Variants in NEBL observed in about 807,000 individuals in gnomAD.
NEBL encodes the protein LIM and SH3 protein 2.
NEBL carries 122 observed loss-of-function variants against 140.2 expected under a neutral mutation model. The ratio of observed to expected loss-of-function variants is 0.87; its 90% CI spans 0.75 to 1.01. The LOEUF is 1.01. Among genes scored for constraint, NEBL ranks in the 50% least tolerant of loss-of-function variants. The probability of loss-of-function intolerance (pLI) is 0.00; values close to 1 mark genes in which losing one functional copy is unlikely to be tolerated. For synonymous variants in NEBL, 436 were observed against 398.9 expected (o/e 1.09, Z -1.11); for missense variants, 1,365 against 1,231.3 (o/e 1.11, Z -1.62).
At chr10:20,794,496 T>A (rs935653624) in intron 26 of NEBL, among the ~76,000 whole-genome samples, 5 of 152,228 alleles carry the variant, frequency 3.3e-5, no homozygotes, top group Non-Finnish European at 7.3e-5. Flanking sequence ...AGATTGCAAA[T>A]CTATTTATTT....
chr10:20,978,723 C>A (rs990392337), intron 3 of NEBL, among the ~76,000 whole-genome samples: 91 of 151,516 alleles, frequency 6.0e-4, no homozygotes, highest in Non-Finnish European at 2.9e-4. Context: ...CCACTGCACT[C>A]CAGCCTGGAA....
At chr10:21,287,957 T>C (rs964620166) in intron 1 of NEBL, among the ~76,000 whole-genome samples, 1 of 152,204 alleles carries the variant, frequency 6.6e-6, no homozygotes, top group African/African-American at 2.4e-5. Flanking sequence ...TTCATATCCA[T>C]ATACTATGTG....
At chr10:20,947,429 T>C (rs2131585238) in intron 4 of NEBL, among the ~76,000 whole-genome samples, 2 of 152,284 alleles carry the variant, frequency 1.3e-5, no homozygotes, top group South Asian at 4.1e-4. Flanking sequence ...TCCCCTCTTC[T>C]TGTGCCTTCT....
intron 3 of NEBL, among the ~76,000 whole-genome samples, chr10:21,227,724 TTCTTCTTCTTC>T (rs1842183483): frequency 8.5e-4 from 75 of 88,212 alleles, no homozygotes; most frequent in African/African-American, 3.3e-3. Flanking sequence ...CTTCTTCTTC[TTCTTCTTCTTC>T]TTCTTCTTCT....
intron 21 of NEBL, 107 bp downstream of exon 21, chr10:20,817,493 C>T (rs1031097217): frequency 2.1e-6 from 2 of 958,554 alleles, no homozygotes; most frequent in African/African-American, 3.2e-5. Flanking sequence ...CAAATGAGAA[C>T]AGGACATCAG....
At chr10:21,258,953 T>C (rs1453567391) in intron 1 of NEBL, among the ~76,000 whole-genome samples, 1 of 152,084 alleles carries the variant, frequency 6.6e-6, no homozygotes, top group East Asian at 1.9e-4. Context: ...ATCCTCACAA[T>C]AATCCTATGA....
intron 3 of NEBL, among the ~76,000 whole-genome samples, chr10:20,978,111 G>T (rs891902368): frequency 6.6e-6 from 1 of 152,126 alleles, no homozygotes; most frequent in Admixed American, 6.5e-5. Context: ...TAAGGAAATA[G>T]ATATGAAAAA....
chr10:21,027,404 C>T (rs187614210), intron 2 of NEBL, among the ~76,000 whole-genome samples: 30 of 151,782 alleles, frequency 2.0e-4, no homozygotes, highest in African/African-American at 6.3e-4. Context: ...CACACATCAC[C>T]GCAGCCTCGA....
At chr10:20,920,460 G>A (rs1247192661) in intron 4 of NEBL, among the ~76,000 whole-genome samples, 1 of 152,204 alleles carries the variant, frequency 6.6e-6, no homozygotes. Flanking sequence ...CTGTCAAAAT[G>A]TATAAGGCAG....
intron 7 of NEBL, among the ~76,000 whole-genome samples, chr10:20,866,267 G>A: frequency 6.6e-6 from 1 of 152,052 alleles, no homozygotes; most frequent in Non-Finnish European, 1.5e-5. Flanking sequence ...CACTTTTACA[G>A]GATGAAAAGA....
intron 3 of NEBL, among the ~76,000 whole-genome samples, chr10:21,180,099 T>TGG (rs1199234824): frequency 6.6e-6 from 1 of 151,576 alleles, no homozygotes; most frequent in African/African-American, 2.4e-5. Flanking sequence ...ATTGTGCCAC[T>TGG]GTACTTCAGA....
At chr10:20,942,652 G>A (rs772928599) in intron 4 of NEBL, among the ~76,000 whole-genome samples, 171 of 152,108 alleles carry the variant, frequency 1.1e-3, no homozygotes, top group Non-Finnish European at 1.9e-3. Context: ...GTGAACAGGT[G>A]ACCTACAGAA....
At chr10:20,831,052 G>C in intron 16 of NEBL, 144 bp downstream of exon 16, 1 of 685,296 alleles carries the variant, frequency 1.5e-6, no homozygotes, top group South Asian at 1.6e-5. Flanking sequence ...GGTTAATCAA[G>C]TTTGGCCAAT....
chr10:20,946,402 T>C (rs1444001322), intron 4 of NEBL, among the ~76,000 whole-genome samples: 1 of 152,206 alleles, frequency 6.6e-6, no homozygotes, highest in East Asian at 1.9e-4. Flanking sequence ...GTTTTTCAAA[T>C]ATTCCATTTC....
chr10:21,179,505 TC>T (rs1564537988), upstream of NEBL, among the ~76,000 whole-genome samples: 1 of 150,220 alleles, frequency 6.7e-6, no homozygotes, highest in African/African-American at 2.5e-5. Flanking sequence ...CGCTCCATCA[TC>T]CCCTTAAGAA....
Position 21,214,142 on chromosome 10 carries a change from T to C in NEBL, n.348+33779A>G, listed in dbSNP as rs1052080844. Among the ~76,000 whole-genome samples, 6 of 151,400 alleles carry C rather than the reference T, an allele frequency of 4.0e-5. No individual in the cohort carries two copies. In the South Asian group the frequency reaches 1.2e-3, roughly 31 times the overall value. On this transcript the variant is annotated intron_variant and non_coding_transcript_variant, in intron 3 of 8. Coordinates refer to the NEBL transcript ENST00000675702. ...TACTCATGAATTTCATGTATATATA[T>C]GTATATAATATATATGTATAAGTAT...
At chr10:21,113,723 TTA>T (rs1240176854) in intron 2 of NEBL, among the ~76,000 whole-genome samples, 2 of 152,106 alleles carry the variant, frequency 1.3e-5, no homozygotes, top group Non-Finnish European at 2.9e-5. Flanking sequence ...GTATGGAATG[TTA>T]ACATTCCATA....
chr10:21,291,235 G>A (rs1180527811), intron 1 of NEBL, among the ~76,000 whole-genome samples: 2 of 152,174 alleles, frequency 1.3e-5, no homozygotes, highest in African/African-American at 2.4e-5. Flanking sequence ...GCCAGGCGCA[G>A]TGGCTCACAC....
rs146260489 is a variant in NEBL, at chr10:20,890,103, A to G, written c.154-154T>C. Reference sequence around the variant, plus strand: ...AACAAGCCAAGTTAAATAAACGGCTATCCAGCACAGGATTGCAAAGATGAT... The same window carrying G: ...AACAAGCCAAGTTAAATAAACGGCTGTCCAGCACAGGATTGCAAAGATGAT... On this transcript the variant is annotated intron_variant, in intron 2 of 27. Transcript: ENST00000377122. Among the ~76,000 whole-genome samples, 670 of 152,320 alleles carry G rather than the reference A, an allele frequency of 4.4e-3. 5 individuals carry two copies. The highest frequency in any genetic ancestry group is 0.016 in the African/African-American group (647 of 41,566).
Sources: allele counts gnomAD v4.1 joint callset (sites outside exome capture counted in the v4.1 genomes callset), GRCh38; gene constraint gnomAD v4.1.1; transcripts MANE v1.5; gene names NCBI Gene and HGNC (gene_info 2026-07-23, HGNC 2026-07-21).